Variants in PCSK5 observed in about 807,000 individuals in gnomAD.
The protein encoded by PCSK5 is proprotein convertase subtilisin/kexin type 5.
A neutral mutation model predicts 233.2 loss-of-function variants in PCSK5; 129 were observed. That is an observed-to-expected ratio of 0.55 (90% CI 0.48 to 0.64). The LOEUF is 0.64. Ranked by LOEUF, PCSK5 falls within the 30% of genes least tolerant of loss-of-function variation. PCSK5 has a pLI of 0.00. For synonymous variants in PCSK5, 825 were observed against 879.2 expected (o/e 0.94, Z 1.09); for missense variants, 2,076 against 2,430.1 (o/e 0.85, Z 3.06).
At chr9:76,241,970 CA>C (rs1826445009) in intron 24 of PCSK5, among the ~76,000 whole-genome samples, 1 of 152,176 alleles carries the variant, frequency 6.6e-6, no homozygotes, top group South Asian at 2.1e-4. Flanking sequence ...GTGTTTCTGA[CA>C]AGTTGCCCAG....
chr9:75,988,991 C>T (rs1826647481), intron 3 of PCSK5, among the ~76,000 whole-genome samples: 1 of 152,124 alleles, frequency 6.6e-6, no homozygotes, highest in Non-Finnish European at 1.5e-5. Flanking sequence ...TGGTGGGTCC[C>T]CTGTGGGATA....
chr9:76,303,571 G>T (rs889712721), intron 28 of PCSK5, among the ~76,000 whole-genome samples: 29 of 152,216 alleles, frequency 1.9e-4, no homozygotes, highest in African/African-American at 6.0e-4. Flanking sequence ...AGATTTGCAC[G>T]GTGTTCACTG....
At chr9:76,324,500 G>A (rs1413114915) in intron 32 of PCSK5, among the ~76,000 whole-genome samples, 1 of 152,048 alleles carries the variant, frequency 6.6e-6, no homozygotes, top group African/African-American at 2.4e-5. Flanking sequence ...CAAAGTGCTG[G>A]GATTACAGGT....
chr9:76,143,384 G>A (rs1196753657), intron 10 of PCSK5, among the ~76,000 whole-genome samples: 1 of 152,082 alleles, frequency 6.6e-6, no homozygotes, highest in Admixed American at 6.6e-5. Context: ...AAACATTTTG[G>A]AGCCGCTGCG....
At chr9:76,276,220 T>C (rs1445151032) in intron 24 of PCSK5, among the ~76,000 whole-genome samples, 7 of 151,986 alleles carry the variant, frequency 4.6e-5, no homozygotes, top group Admixed American at 4.6e-4. Flanking sequence ...CCTAAAAATA[T>C]ATAAATAAAT....
chr9:76,307,294 G>A (rs901979487), intron 28 of PCSK5, among the ~76,000 whole-genome samples: 1 of 152,176 alleles, frequency 6.6e-6, no homozygotes, highest in Non-Finnish European at 1.5e-5. Context: ...AAGATGAAAG[G>A]CAGGAGAGGA....
chr9:76,280,466 A>G (rs1827830020), intron 24 of PCSK5, among the ~76,000 whole-genome samples: 1 of 152,130 alleles, frequency 6.6e-6, no homozygotes, highest in Non-Finnish European at 1.5e-5. Flanking sequence ...GTAGGGCCGG[A>G]CACGGTGGCT....
intron 1 of PCSK5, among the ~76,000 whole-genome samples, chr9:75,928,559 T>C (rs1302915992): frequency 7.0e-6 from 1 of 143,410 alleles, no homozygotes; most frequent in Non-Finnish European, 1.5e-5. Flanking sequence ...TGCATATTAA[T>C]AGATGAGAGA....
intron 7 of PCSK5, among the ~76,000 whole-genome samples, chr9:76,083,092 C>G (rs1390604259): frequency 6.6e-6 from 1 of 151,230 alleles, no homozygotes; most frequent in Non-Finnish European, 1.5e-5. Context: ...GCCTATAATC[C>G]CAGCTGTTCA....
At chr9:75,951,890 G>T (rs756969081) in intron 2 of PCSK5, among the ~76,000 whole-genome samples, 21 of 152,128 alleles carry the variant, frequency 1.4e-4, no homozygotes, top group Admixed American at 5.9e-4. Flanking sequence ...CATCGCAGTT[G>T]TGGATTTTAG....
chr9:75,977,898 A>C (rs1826098687), intron 2 of PCSK5, among the ~76,000 whole-genome samples: 1 of 151,858 alleles, frequency 6.6e-6, no homozygotes, highest in African/African-American at 2.4e-5. Flanking sequence ...AGCTTGAGCC[A>C]CCGCGCCCGG....
chr9:76,072,097 G>A (rs538621909), intron 7 of PCSK5, among the ~76,000 whole-genome samples, 199 bp downstream of exon 7: 1 of 152,216 alleles, frequency 6.6e-6, no homozygotes, highest in Non-Finnish European at 1.5e-5. Context: ...AAGAGCTAGA[G>A]AGTTTCTTCT....
intron 2 of PCSK5, among the ~76,000 whole-genome samples, chr9:75,956,946 T>C (rs1825121379): frequency 6.6e-6 from 1 of 152,152 alleles, no homozygotes; most frequent in African/African-American, 2.4e-5. Context: ...CCCAGCAGAT[T>C]TGCAATTTGG....
intron 7 of PCSK5, among the ~76,000 whole-genome samples, chr9:76,086,729 G>T (rs962117067): frequency 6.6e-6 from 1 of 152,126 alleles, no homozygotes; most frequent in African/African-American, 2.4e-5. Context: ...AATCAGCACT[G>T]GATGAGGCAA....
intron 10 of PCSK5, among the ~76,000 whole-genome samples, chr9:76,145,815 C>T (rs962890935): frequency 6.6e-6 from 1 of 152,126 alleles, no homozygotes; most frequent in Non-Finnish European, 1.5e-5. Flanking sequence ...CTTAGCCTAT[C>T]CTATTTTGTT....
chr9:76,357,835 C>A (rs1830339618), intron 37 of PCSK5, among the ~76,000 whole-genome samples: 1 of 152,204 alleles, frequency 6.6e-6, no homozygotes, highest in Non-Finnish European at 1.5e-5. Flanking sequence ...CCCCACATGG[C>A]TCTCAGAGTC....
At chr9:76,239,661 A>G (rs1164775776) in intron 23 of PCSK5, among the ~76,000 whole-genome samples, 1 of 148,466 alleles carries the variant, frequency 6.7e-6, no homozygotes, top group Admixed American at 6.9e-5. Flanking sequence ...ACACCACCGC[A>G]CTCCAGCCTG....
intron 3 of PCSK5, among the ~76,000 whole-genome samples, chr9:76,018,642 A>T (rs1037411668): frequency 1.3e-5 from 2 of 151,376 alleles, no homozygotes; most frequent in African/African-American, 4.8e-5. Flanking sequence ...AAGGTTGGGG[A>T]CCGCTATTCT....
intron 37 of PCSK5, among the ~76,000 whole-genome samples, chr9:76,355,342 G>T (rs908925550): frequency 6.6e-6 from 1 of 152,060 alleles, no homozygotes; most frequent in African/African-American, 2.4e-5. Context: ...GCGTGGTGGC[G>T]GGCGCCTGTA....
Sources: allele counts gnomAD v4.1 joint callset (sites outside exome capture counted in the v4.1 genomes callset), GRCh38; gene constraint gnomAD v4.1.1; transcripts MANE v1.5; gene names NCBI Gene and HGNC (gene_info 2026-07-23, HGNC 2026-07-21).